The following GRHL1 variants were observed in gnomAD, a reference collection of about 807,000 sequenced individuals.
GRHL1 encodes grainyhead like transcription factor 1.
In GRHL1, 38 loss-of-function variants were observed where a neutral mutation model predicts 75.7. That is an observed-to-expected ratio of 0.50 (90% CI 0.39 to 0.66). The LOEUF is 0.66. Ranked by LOEUF, GRHL1 falls within the 30% of genes least tolerant of loss-of-function variation. GRHL1 has a pLI of 0.00. For missense variants in GRHL1, 589 were observed against 767.5 expected, an observed-to-expected ratio of 0.77 and a Z score of 2.75; for synonymous variants, 266 against 279.4, an observed-to-expected ratio of 0.95 and a Z score of 0.48.
Position 9,998,986 on chromosome 2 carries a change from C to A in GRHL1, c.1699C>A (p.Pro567Thr), listed in dbSNP as rs1446285367. ...TTAGATCTCAGACAAATACGATGTT[C>A]CCCATGACAAGATTGGGAAAATATT... ...MEAISDKYDVPHDKIGKIFKK... is the reference protein window; with the variant it reads ...MEAISDKYDVTHDKIGKIFKK... Residue 567 changes from proline (P) to threonine (T), a missense_variant, in exon 15 of 16, where the codon CCC becomes ACC. Around this residue, in one of 5 missense-constraint regions of GRHL1, gnomAD observed 192 missense variants for 226.6 expected, o/e 0.85. Coordinates refer to ENST00000324907, the MANE Select transcript of GRHL1 (RefSeq NM_198182.3). 1.3e-6 allele frequency: 2 copies of A among 1,575,200 alleles called. No individual in the cohort carries two copies. Among genetic ancestry groups the A allele is most frequent in the South Asian group, 1.1e-5 (1 of 87,774 alleles).
chr2:9,975,643 C>T (rs572693063), intron 8 of GRHL1, among the ~76,000 whole-genome samples: 14 of 151,746 alleles, frequency 9.2e-5, no homozygotes, highest in South Asian at 4.2e-4. Context: ...TTTGGGAGGC[C>T]GAGACGGGTG....
At chr2:9,996,246 T>C (rs1668855776) in intron 13 of GRHL1, 70 bp from the exon 14 acceptor site, 1 of 1,123,584 alleles carries the variant, frequency 8.9e-7, no homozygotes, top group Admixed American at 1.7e-5. Context: ...TTTTCCTCTT[T>C]TGCTCATGTG....
chr2:9,952,576 T>A (rs2125198220), intron 1 of GRHL1, among the ~76,000 whole-genome samples: 1 of 152,310 alleles, frequency 6.6e-6, no homozygotes, highest in Middle Eastern at 3.4e-3. Context: ...TTTTAGAGTG[T>A]GTGATTTAAA....
chr2:9,993,359 G>A lies in GRHL1; in HGVS notation c.1499+115G>A, dbSNP rs571074844. The A allele has an allele frequency of 7.1e-5, 58 of 817,144 alleles. No homozygotes were observed. In the South Asian group the frequency reaches 8.4e-4, roughly 12 times the overall value. The allele number at this position is 817,144 out of a possible 1,614,324, so 50.6% of individuals were successfully genotyped here. On this transcript the variant is annotated intron_variant, in intron 12 of 15. Transcript: ENST00000324907. ...TTTTTCCCTGAGCCATCAAGGATAA[G>A]TTGCCAGCCTGATGGCCCATCACTC...
Position 9,972,624 on chromosome 2 carries a change from C to T in GRHL1, c.1110+7243C>T, listed in dbSNP as rs1667774965. ...GAACTTCTGATTGGAAGGCAGCCTG[C>T]CCGCCAGATCTTCCTTTCTGGCCCA... On this transcript the variant is annotated intron_variant, in intron 8 of 15. Transcript: ENST00000324907. Among the ~76,000 whole-genome samples, 5 of 152,194 alleles carry T rather than the reference C, an allele frequency of 3.3e-5. No individual in the cohort carries two copies. In the South Asian group the frequency reaches 1.0e-3, roughly 31 times the overall value.
intron 8 of GRHL1, among the ~76,000 whole-genome samples, chr2:9,973,198 A>G (rs1054738877): frequency 2.0e-5 from 3 of 152,138 alleles, no homozygotes; most frequent in African/African-American, 7.2e-5. Flanking sequence ...GGGGGGTAGC[A>G]TTCTGCCCTG....
chr2:9,998,452 A>G (rs555400866), intron 14 of GRHL1, among the ~76,000 whole-genome samples: 1,603 of 27,744 alleles, frequency 0.058, 57 homozygotes, highest in African/African-American at 0.18. Flanking sequence ...GTGTGTGTAT[A>G]TATATACATA....
intron 1 of GRHL1, among the ~76,000 whole-genome samples, chr2:9,952,419 G>T (rs1382202060): frequency 6.6e-6 from 1 of 152,216 alleles, no homozygotes; most frequent in Admixed American, 6.5e-5. Flanking sequence ...CGGCATGAGT[G>T]GGAAAACGGC....
Position 10,000,511 on chromosome 2 carries a change from G to C in GRHL1, c.1743-82G>C, listed in dbSNP as rs1463888690. ...GCCTCACATGCTGCAACTAGTAAGT[G>C]GGAGAGCTAACAGGTCAATCTAGGT... On this transcript the variant is annotated intron_variant, in intron 15 of 15. Transcript: ENST00000324907. 5.8e-5 allele frequency: 42 copies of C among 723,808 alleles called. 1 individual carries two copies. In the Admixed American group the frequency reaches 8.4e-4, roughly 15 times the overall value. 44.8% of individuals were successfully genotyped at this position (723,808 alleles called of 1,614,324 possible).
At chr2:9,961,607 T>C (rs1162651040) in intron 4 of GRHL1, among the ~76,000 whole-genome samples, 171 bp downstream of exon 4, 1 of 152,192 alleles carries the variant, frequency 6.6e-6, no homozygotes, top group Non-Finnish European at 1.5e-5. Context: ...AAACTAAACC[T>C]ATACAACCAG....
rs536504350 is a variant in GRHL1, at chr2:10,000,579, C to T, written c.1743-14C>T. On this transcript the variant is annotated splice_polypyrimidine_tract_variant and intron_variant, in intron 15 of 15. Coordinates refer to ENST00000324907, the MANE Select transcript of GRHL1 (RefSeq NM_198182.3). ...TGGCAGTGAAGTTGGTTGGTCTTGT[C>T]CCCCCCCATCCAGGATCCTGGTGAA... 43 of 1,510,896 alleles carry T rather than the reference C, an allele frequency of 2.8e-5. No individual in the cohort carries two copies. The Admixed American group carries it at 4.1e-4, about 14-fold the overall frequency. The allele number at this position is 1,510,896 out of a possible 1,614,324, so 93.6% of individuals were successfully genotyped here.
chr2:9,959,051 G>A, intron 3 of GRHL1, 195 bp downstream of exon 3: 1 of 693,962 alleles, frequency 1.4e-6, no homozygotes, highest in African/African-American at 1.8e-5. Context: ...TTTGGGCGTA[G>A]TAGTTGCCTT....
In GRHL1 at chr2:9,990,211, T is replaced by C. The variant is rs989224720; in HGVS notation, c.1270-485T>C. 2.0e-5 allele frequency among the ~76,000 whole-genome samples: 3 copies of C among 151,964 alleles called. No individual in the cohort carries two copies. The highest frequency in any genetic ancestry group is 7.3e-5 in the African/African-American group (3 of 41,362). On this transcript the variant is annotated intron_variant, in intron 9 of 15. Transcript: ENST00000324907. The surrounding 1 kb of genome is among the most constrained non-coding windows in gnomAD (Gnocchi z 4.2). ...TCACCCAGGCTGGAGTGCAGTGGTG[T>C]GATCTCAGCTCACTGCAACCTCCAC... is the stretch of plus-strand genomic sequence containing the variant.
chr2:9,956,319 G>C (rs990846072), intron 2 of GRHL1, among the ~76,000 whole-genome samples: 2 of 152,074 alleles, frequency 1.3e-5, no homozygotes, highest in African/African-American at 4.8e-5. Flanking sequence ...ATTAGCCTGA[G>C]CAACATGATG....
intron 5 of GRHL1, 41 bp from the exon 6 acceptor site, chr2:9,963,845 G>A (rs370035046): frequency 3.5e-5 from 51 of 1,457,938 alleles, no homozygotes; most frequent in East Asian, 1.6e-4. Flanking sequence ...AAGCTTCCAC[G>A]AGAGTAGATT....
intron 14 of GRHL1, among the ~76,000 whole-genome samples, chr2:9,997,814 G>A (rs1215612381): frequency 3.5e-5 from 5 of 141,712 alleles, no homozygotes; most frequent in African/African-American, 5.3e-5. Flanking sequence ...GCAAGACTCC[G>A]TCTCAAAAAA....
Position 9,996,493 on chromosome 2 carries a change from C to CT in GRHL1, c.1677+95dup, listed in dbSNP as rs35880356. 7.7e-3 allele frequency: 6,970 copies of CT among 902,720 alleles called. 303 individuals are homozygous for CT. In the African/African-American group the frequency reaches 0.099, roughly 13 times the overall value. 55.9% of individuals were successfully genotyped at this position (902,720 alleles called of 1,614,324 possible). A position where few individuals can be genotyped will look rare whatever the true frequency, so the allele number is the denominator to read the frequency against. ...AACACTTTATCAGATGATCCAAATC[C>CT]TTTGTCAGACCTTCTGGAATCCCTG... On this transcript the variant is annotated intron_variant, in intron 14 of 15. Coordinates refer to ENST00000324907, the MANE Select transcript of GRHL1 (RefSeq NM_198182.3).
rs1485485752 is a variant in GRHL1 at position 9,990,062 on chromosome 2, A to G, written c.1270-634A>G. Reference sequence around the variant, plus strand: ...TCCTTTTCCTACTGGACAAAGGGAAAATACCCTTGTGTCTTTGCAGGCATG... The same window carrying G: ...TCCTTTTCCTACTGGACAAAGGGAAGATACCCTTGTGTCTTTGCAGGCATG... On this transcript the variant is annotated intron_variant, in intron 9 of 15. Transcript: ENST00000324907. This position sits in a 1 kb window ranked among gnomAD's most constrained non-coding sequence, Gnocchi z 4.2. 6.6e-6 allele frequency among the ~76,000 whole-genome samples: 1 copy of G among 152,112 alleles called. No homozygotes were observed. Among genetic ancestry groups the G allele is most frequent in the African/African-American group, 2.4e-5 (1 of 41,408 alleles).
At chr2:9,971,055 T>C in intron 8 of GRHL1, among the ~76,000 whole-genome samples, 1 of 152,194 alleles carries the variant, frequency 6.6e-6, no homozygotes, top group South Asian at 2.1e-4. Flanking sequence ...ACCATCCTGG[T>C]AACCTGAATG....
Sources: allele counts gnomAD v4.1 joint callset (sites outside exome capture counted in the v4.1 genomes callset), GRCh38; gene constraint gnomAD v4.1.1; regional missense constraint gnomAD v4.1.1; non-coding constraint Gnocchi (gnomAD v3.1); transcripts MANE v1.5; gene names NCBI Gene and HGNC (gene_info 2026-07-23, HGNC 2026-07-21).